Variants in NCAPG2 observed in about 807,000 individuals in gnomAD.
The protein encoded by NCAPG2 is non-SMC condensin II complex subunit G2, also known as condensin-2 complex subunit G2.
A neutral mutation model predicts 141.1 loss-of-function variants in NCAPG2; 53 were observed. The observed-to-expected ratio is 0.38, with a 90% CI of 0.30 to 0.47. The LOEUF (loss-of-function observed/expected upper bound fraction) is 0.47, where lower values mean the gene tolerates loss of function less well. NCAPG2 is among the 20% of genes least tolerant of loss of function. The probability of loss-of-function intolerance (pLI) is 0.99; values close to 1 mark genes in which losing one functional copy is unlikely to be tolerated. For synonymous variants in NCAPG2, 499 were observed against 490.7 expected (o/e 1.02, Z -0.22); for missense variants, 1,087 against 1,389.0 (o/e 0.78, Z 3.46).
chr7:158,686,042 G>C (rs1161579670), intron 8 of NCAPG2, 130 bp downstream of exon 8: 4 of 556,152 alleles, frequency 7.2e-6, no homozygotes, highest in Non-Finnish European at 1.2e-5. Flanking sequence ...CCATCAAATA[G>C]ATTTTCATTA....
chr7:158,672,305 TATATATATATATATATATATATA>T (rs1205382073), intron 12 of NCAPG2, among the ~76,000 whole-genome samples: 5 of 18,170 alleles, frequency 2.8e-4, no homozygotes, highest in Admixed American at 2.1e-3. Context: ...TATATATATA[TATATATATATATATATATATATA>T]TTTTTTTTTT....
At chr7:158,688,630 G>A (rs930759523) in intron 6 of NCAPG2, among the ~76,000 whole-genome samples, 2 of 152,192 alleles carry the variant, frequency 1.3e-5, no homozygotes, top group South Asian at 2.1e-4. Flanking sequence ...CCTGGGCTGC[G>A]GTTTGATACA....
rs200937008 is a variant in NCAPG2 at position 158,701,937 on chromosome 7, C to T, written c.-38G>A. Reference sequence around the variant, plus strand: ...TGTTCAAATGGCATTTATTTTGTAACCCTAATGGAAAACACAATCATACTG... The same window carrying T: ...TGTTCAAATGGCATTTATTTTGTAATCCTAATGGAAAACACAATCATACTG... On this transcript the variant is annotated splice_region_variant and 5_prime_UTR_variant, in exon 2 of 28. Coordinates refer to ENST00000356309, the MANE Select transcript of NCAPG2 (RefSeq NM_017760.7). 6.5e-7 allele frequency: 1 copy of T among 1,530,210 alleles called. No homozygotes were observed. The highest frequency in any genetic ancestry group is 2.3e-5 in the East Asian group (1 of 43,412). The allele number at this position is 1,530,210 out of a possible 1,614,324, so 94.8% of individuals were successfully genotyped here.
chr7:158,653,291 T>C (rs949480256), intron 22 of NCAPG2, among the ~76,000 whole-genome samples: 61 of 149,662 alleles, frequency 4.1e-4, no homozygotes, highest in African/African-American at 1.5e-3. Context: ...AACCTAGAGG[T>C]GGAGGTTGCA....
chr7:158,655,917 T>G (rs1464731838), intron 19 of NCAPG2, among the ~76,000 whole-genome samples: 1 of 152,192 alleles, frequency 6.6e-6, no homozygotes, highest in East Asian at 1.9e-4. Context: ...CAGAAAAAAC[T>G]GCCAAGGACT....
chr7:158,698,929 G>T (rs1357343379), intron 2 of NCAPG2, among the ~76,000 whole-genome samples: 1 of 151,788 alleles, frequency 6.6e-6, no homozygotes, highest in Non-Finnish European at 1.5e-5. Context: ...GGGACCACAG[G>T]CACAAGCCAC....
At chr7:158,679,402 T>C (rs1834305383) in intron 11 of NCAPG2, among the ~76,000 whole-genome samples, 1 of 152,240 alleles carries the variant, frequency 6.6e-6, no homozygotes. Context: ...AAATGCCGCA[T>C]CTTAACATCC....
At chr7:158,697,447 C>T (rs1411757985) in intron 2 of NCAPG2, among the ~76,000 whole-genome samples, 2 of 152,058 alleles carry the variant, frequency 1.3e-5, no homozygotes, top group Non-Finnish European at 2.9e-5. Context: ...ACTAAAAATA[C>T]AGAAATTAGC....
At chr7:158,640,947 G>C (rs1187832442) in intron 27 of NCAPG2, 1 of 152,130 alleles carries the variant, frequency 6.6e-6, no homozygotes. Flanking sequence ...CAAGGAACGA[G>C]AGGCAAGGAT....
At chr7:158,702,603 A>C (rs1034621631) in intron 1 of NCAPG2, among the ~76,000 whole-genome samples, 1 of 152,242 alleles carries the variant, frequency 6.6e-6, no homozygotes, top group African/African-American at 2.4e-5. Flanking sequence ...CTGAAAAAAC[A>C]TCAACCTAAA....
At chr7:158,690,912 G>C (rs1026285929) in intron 4 of NCAPG2, among the ~76,000 whole-genome samples, 190 bp from the exon 5 acceptor site, 4 of 152,186 alleles carry the variant, frequency 2.6e-5, no homozygotes, top group Admixed American at 6.5e-5. Context: ...TTAAAAAACT[G>C]TTTGACGATT....
In NCAPG2 at chr7:158,633,890, A is replaced by G. The variant is rs1332416173; in HGVS notation, c.3381-2173T>C. Among the ~76,000 whole-genome samples, 2 of 152,016 alleles carry G rather than the reference A, an allele frequency of 1.3e-5. No individual in the cohort carries two copies. Among genetic ancestry groups the G allele is most frequent in the Non-Finnish European group, 2.9e-5 (2 of 67,978 alleles). On this transcript the variant is annotated intron_variant, in intron 27 of 27. Transcript: ENST00000356309. This position sits in a 1 kb window ranked among gnomAD's most constrained non-coding sequence, Gnocchi z 4.1. ...CTCACCCTCCCAAGTAGCTGGGACT[A>G]TGGTGCACACCACCACACCCAGCAG...
Position 158,652,399 on chromosome 7 carries a change from G to A in NCAPG2, c.2828C>T (p.Ser943Leu). Residue 943 changes from serine (S) to leucine (L), a missense_variant, in exon 23 of 28, where the codon TCA becomes TTA. Ser to Leu is a moderately radical substitution (Grantham distance 145). Coordinates refer to ENST00000356309, the MANE Select transcript of NCAPG2 (RefSeq NM_017760.7). Reference protein sequence around the residue: ...TGSSLIQKTDSDEEVAMLLDT... With the variant: ...TGSSLIQKTDLDEEVAMLLDT... ...CAACAGCATTGCAACTTCTTCATCT[G>A]AATCTGTTTTCTGAATCAAGGAACT... The A allele has an allele frequency of 6.2e-7, 1 of 1,613,428 alleles. No individual in the cohort carries two copies. The highest frequency in any genetic ancestry group is 8.5e-7 in the Non-Finnish European group (1 of 1,179,636).
intron 4 of NCAPG2, 92 bp downstream of exon 4, chr7:158,692,746 AAAAT>A (rs1401196504): frequency 8.7e-6 from 8 of 921,530 alleles, no homozygotes; most frequent in South Asian, 5.9e-5. Context: ...CGTCTCAAAA[AAAAT>A]AAATAAATGA....
At chr7:158,650,114 C>T (rs190518153) in intron 24 of NCAPG2, among the ~76,000 whole-genome samples, 7 of 152,170 alleles carry the variant, frequency 4.6e-5, no homozygotes, top group Non-Finnish European at 8.8e-5. Flanking sequence ...AGTCCAATGG[C>T]GTGATCTCAG....
At position 158,631,277 on chromosome 7, in the gene NCAPG2, C is replaced by A. The variant is rs376815864; in HGVS notation, c.*389G>T. On this transcript the variant is annotated 3_prime_UTR_variant, in exon 28 of 28. Coordinates refer to ENST00000356309, the MANE Select transcript of NCAPG2 (RefSeq NM_017760.7). ...CTGGGATTACAGGCGTGTGCCACTG[C>A]GCCGGGCCCCTAATACTTTCAAATA... 1.1e-4 allele frequency: 24 copies of A among 211,584 alleles called. 1 individual carries two copies. In the East Asian group the frequency reaches 1.3e-3, roughly 11 times the overall value. 13.1% of individuals were successfully genotyped at this position (211,584 alleles called of 1,614,324 possible).
At chr7:158,632,412 C>T (rs1829952196) in intron 27 of NCAPG2, among the ~76,000 whole-genome samples, 1 of 152,184 alleles carries the variant, frequency 6.6e-6, no homozygotes, top group Admixed American at 6.5e-5. Context: ...CATGGCTTCC[C>T]TTTTTACTGT....
intron 23 of NCAPG2, 102 bp from the exon 24 acceptor site, chr7:158,651,074 G>T: frequency 8.2e-7 from 1 of 1,218,138 alleles, no homozygotes; most frequent in Non-Finnish European, 1.1e-6. Flanking sequence ...CCTCCCCCAG[G>T]ACTCAAGGAG....
chr7:158,703,472 C>A (rs1367695211), intron 1 of NCAPG2, among the ~76,000 whole-genome samples: 1 of 152,170 alleles, frequency 6.6e-6, no homozygotes, highest in East Asian at 1.9e-4. Context: ...CTCTAGACTA[C>A]CAAACTTATT....
Sources: allele counts gnomAD v4.1 joint callset (sites outside exome capture counted in the v4.1 genomes callset), GRCh38; gene constraint gnomAD v4.1.1; non-coding constraint Gnocchi (gnomAD v3.1); transcripts MANE v1.5; gene names NCBI Gene and HGNC (gene_info 2026-07-23, HGNC 2026-07-21).